ADGRB3: variants seen among roughly 807,000 people sequenced by gnomAD.
ADGRB3 encodes the protein adhesion G protein-coupled receptor B3.
Under a neutral mutation model 193.4 loss-of-function variants are expected in ADGRB3, and 37 were observed. The observed-to-expected ratio is 0.19, with a 90% CI of 0.15 to 0.25. ADGRB3 has a LOEUF of 0.25. Ranked by LOEUF, ADGRB3 falls within the 10% of genes least tolerant of loss-of-function variation. ADGRB3 has a pLI of 1.00. For missense variants in ADGRB3, 1,637 were observed against 1,852.9 expected, an observed-to-expected ratio of 0.88 and a Z score of 2.14; for synonymous variants, 690 against 644.2, an observed-to-expected ratio of 1.07 and a Z score of -1.08.
chr6:69,079,255 T>G (rs1264109667), intron 17 of ADGRB3, among the ~76,000 whole-genome samples: 1 of 152,056 alleles, frequency 6.6e-6, no homozygotes, highest in South Asian at 2.1e-4. Context: ...AATGCTTCAT[T>G]GTATGTGACA....
intron 10 of ADGRB3, among the ~76,000 whole-genome samples, chr6:68,986,128 C>T (rs751427472): frequency 1.1e-4 from 16 of 151,978 alleles, no homozygotes; most frequent in Non-Finnish European, 2.2e-4. Context: ...ATTTACTATG[C>T]TCTCATTCTT....
intron 17 of ADGRB3, among the ~76,000 whole-genome samples, chr6:69,108,955 A>T (rs953775284): frequency 1.3e-5 from 2 of 152,182 alleles, no homozygotes; most frequent in Non-Finnish European, 2.9e-5. Flanking sequence ...CAAGAAGAAT[A>T]GGTATAAACT....
At chr6:68,841,875 G>A (rs942961181) in intron 3 of ADGRB3, among the ~76,000 whole-genome samples, 6 of 152,090 alleles carry the variant, frequency 3.9e-5, no homozygotes, top group Admixed American at 3.9e-4. Flanking sequence ...GAAGGGTAGT[G>A]AGGGTGTGTG....
chr6:68,884,253 G>C (rs570099937), intron 3 of ADGRB3, among the ~76,000 whole-genome samples: 5 of 152,290 alleles, frequency 3.3e-5, no homozygotes, highest in African/African-American at 1.2e-4. Context: ...TGCCAGGCAC[G>C]GGGATGTGTC....
chr6:69,115,175 G>A (rs150905146), intron 17 of ADGRB3, among the ~76,000 whole-genome samples: 9,259 of 152,224 alleles, frequency 0.061, 346 homozygotes, highest in South Asian at 0.11. Context: ...ATTCCCAATA[G>A]CAAAGACTTG....
chr6:68,867,699 A>G (rs1156434186), intron 3 of ADGRB3, among the ~76,000 whole-genome samples: 1 of 152,206 alleles, frequency 6.6e-6, no homozygotes, highest in African/African-American at 2.4e-5. Flanking sequence ...ACAGGGGTGG[A>G]GCTGCCCAAG....
chr6:69,219,460 C>CATAT lies in ADGRB3; in HGVS notation c.2481-13830_2481-13829insATAT, dbSNP rs1561956677. On this transcript the variant is annotated intron_variant, in intron 17 of 31. Coordinates refer to ENST00000370598, the MANE Select transcript of ADGRB3 (RefSeq NM_001704.3). ...GCTTTAACTTAAAAATACACACACA[C>CATAT]GTATATATATATATATATATATATA... 2.0e-4 allele frequency among the ~76,000 whole-genome samples: 11 copies of CATAT among 54,882 alleles called. No individual in the cohort carries two copies. The East Asian group carries it at 5.2e-3, about 26-fold the overall frequency. The allele number at this position is 54,882 out of a possible 152,430, so 36.0% of individuals were successfully genotyped here. A position where few individuals can be genotyped will look rare whatever the true frequency, so the allele number is the denominator to read the frequency against.
intron 16 of ADGRB3, among the ~76,000 whole-genome samples, chr6:69,075,398 C>T (rs1772199004): frequency 6.6e-6 from 1 of 152,134 alleles, no homozygotes; most frequent in South Asian, 2.1e-4. Flanking sequence ...GGCAGGTACT[C>T]AATTCATAAT....
Position 69,250,285 on chromosome 6 carries a change from A to G in ADGRB3, c.2814+11059A>G, listed in dbSNP as rs769848581. Among the ~76,000 whole-genome samples, 46 of 151,084 alleles carry G rather than the reference A, an allele frequency of 3.0e-4. 1 individual carries two copies. The highest frequency in any genetic ancestry group is 2.5e-3 in the Admixed American group (38 of 15,084). On this transcript the variant is annotated intron_variant, in intron 20 of 31. Transcript: ENST00000370598. ...GAATAGAAAGATGTGTATTGCTTTT[A>G]CAAAATACAAATTAGTTCTGCTTTT...
At chr6:68,988,528 A>T (rs1769142457) in intron 10 of ADGRB3, among the ~76,000 whole-genome samples, 1 of 152,162 alleles carries the variant, frequency 6.6e-6, no homozygotes, top group African/African-American at 2.4e-5. Context: ...GATCATAATG[A>T]CTTCTGCATA....
intron 3 of ADGRB3, among the ~76,000 whole-genome samples, chr6:68,663,311 T>C (rs1316910492): frequency 1.3e-5 from 2 of 151,578 alleles, no homozygotes; most frequent in African/African-American, 2.4e-5. Context: ...GATTTTTGAA[T>C]CAAGCTTTCA....
intron 17 of ADGRB3, among the ~76,000 whole-genome samples, chr6:69,150,932 A>G (rs547286543): frequency 7.9e-5 from 12 of 152,266 alleles, no homozygotes; most frequent in Admixed American, 3.3e-4. Context: ...GGGCCTTACA[A>G]TTTTGCCCAC....
chr6:68,686,815 C>A (rs1030966074), intron 3 of ADGRB3, among the ~76,000 whole-genome samples: 2 of 152,096 alleles, frequency 1.3e-5, no homozygotes, highest in Non-Finnish European at 2.9e-5. Context: ...TGTTTGTAAG[C>A]TGCTAATTTC....
intron 3 of ADGRB3, among the ~76,000 whole-genome samples, chr6:68,820,936 G>C (rs971965444): frequency 5.3e-5 from 8 of 152,040 alleles, no homozygotes; most frequent in African/African-American, 1.9e-4. Flanking sequence ...CACTGTGTCA[G>C]TAACATGAAG....
intron 3 of ADGRB3, among the ~76,000 whole-genome samples, chr6:68,847,893 G>A (rs567454863): frequency 6.6e-6 from 1 of 150,572 alleles, no homozygotes; most frequent in Non-Finnish European, 1.5e-5. Flanking sequence ...AGAAGGAAGG[G>A]AGACACAAAG....
intron 3 of ADGRB3, among the ~76,000 whole-genome samples, chr6:68,909,103 A>G (rs1766627710): frequency 1.3e-5 from 2 of 152,312 alleles, no homozygotes; most frequent in Middle Eastern, 3.4e-3. Flanking sequence ...AAATCTTTGC[A>G]CTATTAGGTA....
chr6:68,956,190 T>C lies in ADGRB3; in HGVS notation c.1360+2T>C. 6.2e-7 allele frequency: 1 copy of C among 1,603,492 alleles called. No homozygotes were observed. The highest frequency in any genetic ancestry group is 8.5e-7 in the Non-Finnish European group (1 of 1,173,298). ...AGTGCTATAACCCTGAATGTACAGGTAGGGCTTGATTCCTGCATATCATGG... is the reference window on the plus strand; with the variant it reads ...AGTGCTATAACCCTGAATGTACAGGCAGGGCTTGATTCCTGCATATCATGG... On this transcript the variant is annotated splice_donor_variant, in intron 7 of 31. Transcript: ENST00000370598. LOFTEE classifies it high-confidence loss of function.
At chr6:68,646,348 A>T (rs1004306669) in intron 3 of ADGRB3, among the ~76,000 whole-genome samples, 1 of 151,748 alleles carries the variant, frequency 6.6e-6, no homozygotes, top group Non-Finnish European at 1.5e-5. Context: ...GTGGTGGGGC[A>T]TGCCTGCAAT....
intron 10 of ADGRB3, among the ~76,000 whole-genome samples, chr6:68,993,113 A>G (rs1316573392): frequency 1.3e-5 from 2 of 152,132 alleles, no homozygotes; most frequent in Non-Finnish European, 2.9e-5. Flanking sequence ...TCTGACCATC[A>G]AACTAATTTA....
Sources: allele counts gnomAD v4.1 joint callset (sites outside exome capture counted in the v4.1 genomes callset), GRCh38; gene constraint gnomAD v4.1.1; transcripts MANE v1.5; gene names NCBI Gene and HGNC (gene_info 2026-07-23, HGNC 2026-07-21).